PLA2G7: variants seen among roughly 807,000 people sequenced by gnomAD.
PLA2G7 encodes phospholipase A2 group VII.
Under a neutral mutation model 49.6 loss-of-function variants are expected in PLA2G7, and 63 were observed. The ratio of observed to expected loss-of-function variants is 1.27; its 90% CI spans 1.04 to 1.57. PLA2G7 has a LOEUF of 1.57. Ranked by LOEUF, PLA2G7 falls within the 40% of genes most tolerant of loss-of-function variation. PLA2G7 has a pLI of 0.00. For missense variants in PLA2G7, 596 were observed against 521.2 expected (o/e 1.14, Z -1.40); for synonymous variants, 193 against 169.9 (o/e 1.14, Z -1.06).
intron 1 of PLA2G7, 67 bp downstream of exon 1, chr6:46,735,113 C>G (rs1765881513): frequency 6.6e-6 from 1 of 150,380 alleles, no homozygotes; most frequent in Non-Finnish European, 1.5e-5. Context: ...CTCCGGGGTC[C>G]CGACCTCCAG....
chr6:46,704,790 A>C, intron 11 of PLA2G7, 94 bp from the exon 12 acceptor site: 1 of 790,966 alleles, frequency 1.3e-6, no homozygotes, highest in Non-Finnish European at 2.1e-6. Context: ...TACAAATTAC[A>C]CAAGTTCCGT....
chr6:46,731,094 T>A (rs1347327345), intron 1 of PLA2G7, among the ~76,000 whole-genome samples: 1 of 152,178 alleles, frequency 6.6e-6, no homozygotes, highest in African/African-American at 2.4e-5. Context: ...AGCAGGCATA[T>A]CTCCTTCTAG....
chr6:46,705,413 GA>G, intron 10 of PLA2G7, 112 bp from the exon 11 acceptor site: 1 of 848,474 alleles, frequency 1.2e-6, no homozygotes. Context: ...GAAAACCAAA[GA>G]AGAAATAAAA....
At position 46,714,554 on chromosome 6, in the gene PLA2G7, C is replaced by G. The variant is rs200558304; in HGVS notation, c.377-1G>C. On this transcript the variant is annotated splice_acceptor_variant, in intron 4 of 11. Transcript: ENST00000274793. LOFTEE classifies it high-confidence loss of function. Reference sequence around the variant, plus strand: ...CAGTTTGCAGGAGTTGTCATTGAACCTAGACAACAATGGAAGGTTATAGTT... The same window carrying G: ...CAGTTTGCAGGAGTTGTCATTGAACGTAGACAACAATGGAAGGTTATAGTT... 2.7e-5 allele frequency: 42 copies of G among 1,562,984 alleles called. No homozygotes were observed. Among genetic ancestry groups the G allele is most frequent in the Non-Finnish European group, 3.7e-5 (42 of 1,133,876 alleles).
At chr6:46,726,166 C>T (rs1000266270) in intron 1 of PLA2G7, among the ~76,000 whole-genome samples, 2 of 152,160 alleles carry the variant, frequency 1.3e-5, no homozygotes, top group Admixed American at 1.3e-4. Flanking sequence ...TTATAACCTA[C>T]AATCAGATTA....
intron 1 of PLA2G7, among the ~76,000 whole-genome samples, chr6:46,723,213 G>T (rs972188610): frequency 6.6e-6 from 1 of 152,198 alleles, no homozygotes; most frequent in African/African-American, 2.4e-5. Flanking sequence ...TAACAGTATG[G>T]TCAGCTATAA....
chr6:46,704,657 T>C lies in PLA2G7; in HGVS notation c.1229A>G (p.Glu410Gly), dbSNP rs137883169. 37 of 1,577,572 alleles carry C rather than the reference T, an allele frequency of 2.3e-5. No individual in the cohort carries two copies. The African/African-American group carries it at 3.9e-4, about 17-fold the overall frequency. Residue 410 changes from glutamate to glycine, a missense_variant, in exon 12 of 12, where the codon GAA (glutamate) becomes GGA (glycine). By Grantham distance (98) the Glu-to-Gly change is moderately conservative (BLOSUM62 -2). Coordinates refer to ENST00000274793, the MANE Select transcript of PLA2G7 (RefSeq NM_005084.4). ...KDFDQWDCLI[E>G]GDDENLIPGT... ...TGGAATAAGATTCTCATCATCTCCT[T>C]CAATCAAGCAGTCCCACTGATCAAA... is the stretch of plus-strand genomic sequence containing the variant.
At chr6:46,714,599 G>C (rs148492491) in intron 4 of PLA2G7, 46 bp from the exon 5 acceptor site, 4 of 1,117,118 alleles carry the variant, frequency 3.6e-6, no homozygotes, top group Non-Finnish European at 5.5e-6. Flanking sequence ...TCTGAGTGTT[G>C]CTAGTGAATT....
chr6:46,727,896 C>A (rs1479129994), intron 1 of PLA2G7, among the ~76,000 whole-genome samples: 1 of 152,188 alleles, frequency 6.6e-6, no homozygotes, highest in Non-Finnish European at 1.5e-5. Context: ...TGAAGGTTCA[C>A]TGAACCTGTT....
At chr6:46,715,712 T>C (rs779026387) in intron 4 of PLA2G7, among the ~76,000 whole-genome samples, 3 of 152,236 alleles carry the variant, frequency 2.0e-5, no homozygotes, top group Non-Finnish European at 4.4e-5. Flanking sequence ...ATGTCTGTTA[T>C]AAGTGGTTTT....
Position 46,722,251 on chromosome 6 carries a change from G to C in PLA2G7, c.109+532C>G, listed in dbSNP as rs965327694. Among the ~76,000 whole-genome samples the C allele has an allele frequency of 3.9e-5, 6 of 152,104 alleles. No homozygotes were observed. In the East Asian group the frequency reaches 1.2e-3, roughly 29 times the overall value. ...ATCTGGAACTCCCTAGCACCTACTT[G>C]TCCCTACTTCTCTCTATTATCAGGT... On this transcript the variant is annotated intron_variant, in intron 2 of 11. Coordinates refer to ENST00000274793, the MANE Select transcript of PLA2G7 (RefSeq NM_005084.4).
rs1764704329 is a variant in PLA2G7 at position 46,704,250 on chromosome 6, GT to G, written c.*309del. The G allele has an allele frequency of 3.4e-6, 1 of 298,416 alleles. No homozygotes were observed. The highest frequency in any genetic ancestry group is 6.4e-6 in the Non-Finnish European group (1 of 155,742). 18.5% of individuals were successfully genotyped at this position (298,416 alleles called of 1,614,324 possible). On this transcript the variant is annotated 3_prime_UTR_variant, in exon 12 of 12. Transcript: ENST00000274793. ...TAATCTACTTGTCTGTCAAAGTAAT[GT>G]AAAAACAGTTTTTAACTTCGACACT...
In PLA2G7 at chr6:46,716,996, T is replaced by A; in HGVS notation, c.210A>T (p.Leu70Phe). Reference sequence around the variant, plus strand: ...TTACCTTATTAGTGTGATCAAACATTAAGTCTGTACAACCAACGGAATAAG... The same window carrying A: ...TTACCTTATTAGTGTGATCAAACATAAAGTCTGTACAACCAACGGAATAAG... ...NGPYSVGCTD[L>F]MFDHTNKGTF... is the part of the protein sequence containing the mutation. The change falls in exon 3 of 12, where the codon TTA (leucine) becomes TTT (phenylalanine). Residue 70 changes from leucine (L) to phenylalanine (F), a missense_variant. Coordinates refer to ENST00000274793, the MANE Select transcript of PLA2G7 (RefSeq NM_005084.4). 1.2e-6 allele frequency: 2 copies of A among 1,613,692 alleles called. No individual in the cohort carries two copies. Among genetic ancestry groups the A allele is most frequent in the Non-Finnish European group, 1.7e-6 (2 of 1,179,602 alleles).
chr6:46,734,051 T>G (rs1229440112), intron 1 of PLA2G7, among the ~76,000 whole-genome samples: 1 of 152,128 alleles, frequency 6.6e-6, no homozygotes, highest in Non-Finnish European at 1.5e-5. Context: ...ACCACAGGCA[T>G]GAATAAAAGC....
In PLA2G7 at chr6:46,708,124, C is replaced by A. The variant is rs137868817; in HGVS notation, c.907G>T (p.Gly303Cys). 3.9e-4 allele frequency: 621 copies of A among 1,612,240 alleles called. No homozygotes were observed. The highest frequency in any genetic ancestry group is 5.0e-4 in the Non-Finnish European group (588 of 1,178,586). ...IALDAWMFPLGDEVYSRIPQP... is the reference protein window; with the variant it reads ...IALDAWMFPLCDEVYSRIPQP... Reference sequence around the variant, plus strand: ...GGAATTCTGGAATATACTTCATCACCCAGTGGAAACATCCATGCATCCAGG... The same window carrying A: ...GGAATTCTGGAATATACTTCATCACACAGTGGAAACATCCATGCATCCAGG... Residue 303 changes from glycine to cysteine, a missense_variant, in exon 10 of 12, where the codon GGT becomes TGT. Physicochemically the swap from Gly to Cys is radical, Grantham distance 159. Coordinates refer to ENST00000274793, the MANE Select transcript of PLA2G7 (RefSeq NM_005084.4).
intron 5 of PLA2G7, among the ~76,000 whole-genome samples, chr6:46,713,484 A>G (rs1456026926): frequency 9.2e-5 from 14 of 152,206 alleles, no homozygotes; most frequent in African/African-American, 2.9e-4. Context: ...CTTTATAGAA[A>G]TAGGCAGTGG....
At chr6:46,722,947 G>C (rs556147884) in intron 1 of PLA2G7, 22 bp from the exon 2 acceptor site, 2 of 998,268 alleles carry the variant, frequency 2.0e-6, no homozygotes, top group African/African-American at 3.2e-5. Flanking sequence ...ATGATTAAAA[G>C]AAAAAAGAAG....
chr6:46,735,193 G>A lies in PLA2G7; in HGVS notation c.-48C>T, dbSNP rs950126305. 1 of 152,098 alleles carries A rather than the reference G, an allele frequency of 6.6e-6. No homozygotes were observed. 9.4% of individuals were successfully genotyped at this position (152,098 alleles called of 1,614,324 possible). A position where few individuals can be genotyped will look rare whatever the true frequency, so the allele number is the denominator to read the frequency against. On this transcript the variant is annotated 5_prime_UTR_variant, in exon 1 of 12. Transcript: ENST00000274793. The stretch of plus-strand genomic sequence containing the variant: ...GCCCCTCCTCACTCAGGCGCGGCGC[G>A]GAGCTGCTCGCGGGAACTGGGGTCC...
At chr6:46,717,854 G>C (rs1257429219) in intron 2 of PLA2G7, among the ~76,000 whole-genome samples, 1 of 151,856 alleles carries the variant, frequency 6.6e-6, no homozygotes, top group East Asian at 1.9e-4. Context: ...TGGGATTACA[G>C]GTGTAGGCAT....
Sources: allele counts gnomAD v4.1 joint callset (sites outside exome capture counted in the v4.1 genomes callset), GRCh38; gene constraint gnomAD v4.1.1; transcripts MANE v1.5; gene names NCBI Gene and HGNC (gene_info 2026-07-23, HGNC 2026-07-21).